Variants in TCF12 observed in about 807,000 individuals in gnomAD.
The protein encoded by TCF12 is transcription factor 12.
A neutral mutation model predicts 86.0 loss-of-function variants in TCF12; 45 were observed. That is an observed-to-expected ratio of 0.52 (90% confidence interval 0.41 to 0.67). The LOEUF is 0.67. Among genes scored for constraint, TCF12 ranks in the 30% least tolerant of loss-of-function variants. The pLI, the probability that TCF12 is intolerant of heterozygous loss-of-function variation, is 0.00. For synonymous variants in TCF12, 330 were observed against 299.6 expected (o/e 1.10, Z -1.05); for missense variants, 881 against 859.9 (o/e 1.02, Z -0.31).
chr15:57,015,463 C>T (rs754220304), intron 3 of TCF12, among the ~76,000 whole-genome samples: 6 of 152,148 alleles, frequency 3.9e-5, no homozygotes, highest in Non-Finnish European at 5.9e-5. Context: ...GATGTCTTGC[C>T]CACCCCCATT....
At chr15:57,011,868 A>G (rs1228334480) in intron 3 of TCF12, among the ~76,000 whole-genome samples, 2 of 152,220 alleles carry the variant, frequency 1.3e-5, no homozygotes, top group African/African-American at 4.8e-5. Flanking sequence ...AGGGCTTGTA[A>G]GAGAAGTGAT....
chr15:57,251,128 C>T, intron 13 of TCF12: 2 of 429,676 alleles, frequency 4.7e-6, no homozygotes, highest in Admixed American at 3.9e-5. Flanking sequence ...TTTAAAATTA[C>T]AGGGTTTTTT....
At chr15:57,185,128 C>T (rs2056592749) in intron 6 of TCF12, among the ~76,000 whole-genome samples, 1 of 152,120 alleles carries the variant, frequency 6.6e-6, no homozygotes, top group Non-Finnish European at 1.5e-5. Context: ...TTGAAATTGT[C>T]TTCTCTCTAC....
intron 7 of TCF12, among the ~76,000 whole-genome samples, chr15:57,196,639 A>G (rs748644554): frequency 2.6e-5 from 4 of 152,230 alleles, no homozygotes; most frequent in African/African-American, 4.8e-5. Context: ...AACAAGTTTT[A>G]TATTTTACAT....
intron 6 of TCF12, among the ~76,000 whole-genome samples, chr15:57,181,049 C>T (rs572821610): frequency 1.3e-4 from 20 of 151,840 alleles, no homozygotes; most frequent in South Asian, 1.0e-3. Context: ...CTCCTGACCT[C>T]GTGATCCGCC....
intron 8 of TCF12, among the ~76,000 whole-genome samples, chr15:57,220,546 T>C (rs1486391945): frequency 2.0e-5 from 3 of 152,188 alleles, no homozygotes; most frequent in African/African-American, 7.2e-5. Flanking sequence ...GTACTTCTGG[T>C]TGATTTATAG....
chr15:57,185,553 G>T (rs1187886208), intron 6 of TCF12, among the ~76,000 whole-genome samples: 1 of 152,146 alleles, frequency 6.6e-6, no homozygotes, highest in East Asian at 1.9e-4. Context: ...AAACAAAATA[G>T]AGACAAGAAG....
intron 6 of TCF12, among the ~76,000 whole-genome samples, chr15:57,185,100 C>T (rs1466280241): frequency 6.6e-6 from 1 of 152,148 alleles, no homozygotes; most frequent in Admixed American, 6.5e-5. Flanking sequence ...TTCATATTCA[C>T]ATTATATTGC....
At chr15:57,034,928 A>AT (rs1358426649) in intron 3 of TCF12, among the ~76,000 whole-genome samples, 3 of 152,088 alleles carry the variant, frequency 2.0e-5, no homozygotes, top group Non-Finnish European at 4.4e-5. Flanking sequence ...TGATTCTCCA[A>AT]TTTTTTTAGG....
intron 8 of TCF12, among the ~76,000 whole-genome samples, chr15:57,217,922 C>T (rs1162944904): frequency 1.3e-5 from 2 of 152,094 alleles, no homozygotes; most frequent in Admixed American, 6.5e-5. Context: ...CAAACCACTC[C>T]GCAGACTGGC....
At chr15:57,082,021 G>C (rs2733191) in intron 4 of TCF12, among the ~76,000 whole-genome samples, 2,310 of 152,262 alleles carry the variant, frequency 0.015, 68 homozygotes, top group African/African-American at 0.049. Context: ...CAGGGATTTA[G>C]CACATATGTG....
intron 3 of TCF12, among the ~76,000 whole-genome samples, chr15:56,975,885 A>G (rs1490778619): frequency 6.6e-6 from 1 of 151,646 alleles, no homozygotes; most frequent in African/African-American, 2.4e-5. Flanking sequence ...AACATGGAAC[A>G]TCTTGTCACA....
At chr15:56,996,390 G>A (rs1238204293) in intron 3 of TCF12, among the ~76,000 whole-genome samples, 1 of 152,076 alleles carries the variant, frequency 6.6e-6, no homozygotes, top group South Asian at 2.1e-4. Context: ...ACTAAGCAGT[G>A]GGGAAAAGAC....
intron 12 of TCF12, among the ~76,000 whole-genome samples, chr15:57,241,008 A>G (rs532762864): frequency 2.6e-5 from 4 of 152,054 alleles, no homozygotes; most frequent in African/African-American, 9.6e-5. Context: ...GTGCAAAGCC[A>G]CTAAGAACAA....
At chr15:56,959,339 A>AT (rs1254679169) in intron 3 of TCF12, among the ~76,000 whole-genome samples, 6 of 152,158 alleles carry the variant, frequency 3.9e-5, no homozygotes, top group African/African-American at 1.2e-4. Context: ...ACAGTAGGAT[A>AT]TATCTGCATC....
chr15:57,207,945 A>G (rs559534237), intron 8 of TCF12, among the ~76,000 whole-genome samples: 29 of 152,202 alleles, frequency 1.9e-4, no homozygotes, highest in African/African-American at 6.7e-4. Context: ...ATCAACAAAT[A>G]TATACTAAGT....
intron 16 of TCF12, among the ~76,000 whole-genome samples, chr15:57,254,031 G>T (rs868059216): frequency 6.6e-6 from 1 of 152,070 alleles, no homozygotes; most frequent in Non-Finnish European, 1.5e-5. Context: ...GGGGGTGTTC[G>T]TTCTACAGCC....
At chr15:57,159,214 G>T (rs769888817) in intron 5 of TCF12, among the ~76,000 whole-genome samples, 16 of 152,198 alleles carry the variant, frequency 1.1e-4, no homozygotes, top group Non-Finnish European at 2.2e-4. Flanking sequence ...TAAGCGACAT[G>T]TTACTTTCCT....
chr15:57,099,065 T>C (rs768704835), intron 5 of TCF12, among the ~76,000 whole-genome samples: 8 of 152,202 alleles, frequency 5.3e-5, no homozygotes, highest in Non-Finnish European at 7.3e-5. Context: ...CCTTATTCCT[T>C]AGTGGTATGG....
Sources: gnomAD v4.1 joint callset for allele counts (sites outside exome capture counted in the v4.1 genomes callset) on GRCh38, gnomAD v4.1.1 for gene constraint, MANE v1.5 for transcripts, NCBI Gene and HGNC (gene_info 2026-07-23, HGNC 2026-07-21) for gene names.